The following PTPRD variants were observed in gnomAD, a reference collection of about 807,000 sequenced individuals.
The protein encoded by PTPRD is protein tyrosine phosphatase receptor type D, also known as receptor-type tyrosine-protein phosphatase delta.
PTPRD carries 34 observed loss-of-function variants against 214.5 expected under a neutral mutation model. The observed-to-expected ratio is 0.16, with a 90% CI of 0.12 to 0.21. The LOEUF (loss-of-function observed/expected upper bound fraction) is 0.21, where lower values mean the gene tolerates loss of function less well. Among genes scored for constraint, PTPRD ranks in the 10% least tolerant of loss-of-function variants. The pLI is 1.00. For missense variants in PTPRD, 2,545 were observed against 2,398.7 expected (o/e 1.06, Z -1.27); for synonymous variants, 1,128 against 845.7 (o/e 1.33, Z -5.79).
Position 8,341,777 on chromosome 9 carries a change from T to C in PTPRD, c.4863A>G (p.Pro1621=). The part of the protein sequence containing the change: ...EAVTCGNTEV[P]ARNLYAYIQK... ...GAATGTAGGCATACAAGTTTCTAGC[T>C]GGCACTTCGGTATTTCCACAAGTCA... is the stretch of plus-strand genomic sequence containing the variant. Residue 1621 remains proline, a synonymous_variant, in exon 40 of 46, where the codon CCA becomes CCG. Coordinates refer to ENST00000381196, the MANE Select transcript of PTPRD (RefSeq NM_002839.4). The C allele has an allele frequency of 2.5e-6, 4 of 1,613,654 alleles. No homozygotes were observed. Among genetic ancestry groups the C allele is most frequent in the Non-Finnish European group, 3.4e-6 (4 of 1,179,734 alleles).
chr9:9,602,414 TGTGTTAAGTACGTG>T (rs1368009518), intron 7 of PTPRD, among the ~76,000 whole-genome samples: 1 of 151,950 alleles, frequency 6.6e-6, no homozygotes, highest in Non-Finnish European at 1.5e-5. Context: ...TTTTCTACAA[TGTGTTAAGTACGTG>T]GTGAAACAAT....
intron 43 of PTPRD, among the ~76,000 whole-genome samples, chr9:8,332,346 G>A (rs1842307031): frequency 6.6e-6 from 1 of 152,080 alleles, no homozygotes; most frequent in African/African-American, 2.4e-5. Flanking sequence ...ATGTCTCAGA[G>A]GAATACCATT....
chr9:9,703,422 A>C (rs1174362526), intron 7 of PTPRD, among the ~76,000 whole-genome samples: 1 of 152,190 alleles, frequency 6.6e-6, no homozygotes, highest in East Asian at 1.9e-4. Flanking sequence ...TTAAACCTCC[A>C]GTAATCAAAG....
chr9:9,809,530 C>G (rs1245156741), intron 5 of PTPRD, among the ~76,000 whole-genome samples: 1 of 152,134 alleles, frequency 6.6e-6, no homozygotes, highest in Admixed American at 6.5e-5. Context: ...TCCCAAAGTG[C>G]TGGGATTACA....
chr9:10,084,834 A>G (rs1186074771), intron 3 of PTPRD, among the ~76,000 whole-genome samples: 1 of 151,876 alleles, frequency 6.6e-6, no homozygotes, highest in Non-Finnish European at 1.5e-5. Context: ...CCTGGTTCCT[A>G]TTTAGTTCAA....
At chr9:10,091,264 T>C (rs574161840) in intron 3 of PTPRD, among the ~76,000 whole-genome samples, 1 of 151,662 alleles carries the variant, frequency 6.6e-6, no homozygotes, top group South Asian at 2.1e-4. Flanking sequence ...ATCATTTATG[T>C]CTCTCTGGCA....
chr9:8,989,257 C>T (rs573838813), intron 11 of PTPRD, among the ~76,000 whole-genome samples: 11 of 151,968 alleles, frequency 7.2e-5, no homozygotes, highest in Non-Finnish European at 1.5e-4. Flanking sequence ...AAATATACAA[C>T]ACACTACTTT....
chr9:10,497,697 A>C (rs1412438345), intron 2 of PTPRD, among the ~76,000 whole-genome samples: 3 of 152,034 alleles, frequency 2.0e-5, no homozygotes, highest in Non-Finnish European at 4.4e-5. Context: ...GAGAATATAA[A>C]ATTATGTTTA....
intron 8 of PTPRD, among the ~76,000 whole-genome samples, chr9:9,402,058 G>A (rs1178083560): frequency 1.3e-5 from 2 of 151,936 alleles, no homozygotes; most frequent in Non-Finnish European, 2.9e-5. Context: ...TTATTACAGG[G>A]CAAACATAAA....
rs367837710 is a variant in PTPRD at position 9,945,788 on chromosome 9, T to C, written c.-471-7178A>G. ...GCTGAAAAGCAAACCTTAATACAGT[T>C]CCAAAAATTGAAATCCAATAGACCA... On this transcript the variant is annotated intron_variant, in intron 4 of 45. Coordinates refer to ENST00000381196, the MANE Select transcript of PTPRD (RefSeq NM_002839.4). 1.5e-3 allele frequency among the ~76,000 whole-genome samples: 235 copies of C among 152,124 alleles called. 9 individuals are homozygous for C. The South Asian group carries it at 0.047, about 31-fold the overall frequency.
intron 4 of PTPRD, among the ~76,000 whole-genome samples, chr9:9,981,681 T>A (rs1267112093): frequency 6.6e-6 from 1 of 152,046 alleles, no homozygotes; most frequent in African/African-American, 2.4e-5. Context: ...ATTCTTAATA[T>A]GAGTGCAAGC....
intron 4 of PTPRD, among the ~76,000 whole-genome samples, chr9:10,017,739 T>C (rs7867622): frequency 0.82 from 125,432 of 152,084 alleles, 52,297 homozygotes; most frequent in African/African-American, 0.93. Flanking sequence ...TATTTCTGTA[T>C]TACTAAACCA....
intron 10 of PTPRD, among the ~76,000 whole-genome samples, chr9:9,161,744 T>C (rs1378648480): frequency 6.6e-6 from 1 of 152,082 alleles, no homozygotes; most frequent in Admixed American, 6.6e-5. Context: ...TTAAAATATG[T>C]TTTAGATAAA....
chr9:9,302,850 G>A (rs184246199), intron 9 of PTPRD, among the ~76,000 whole-genome samples: 12 of 151,464 alleles, frequency 7.9e-5, no homozygotes, highest in East Asian at 3.9e-4. Flanking sequence ...AAAACCACCC[G>A]TAGTTTCTCA....
chr9:8,873,864 T>C (rs926016465), intron 11 of PTPRD, among the ~76,000 whole-genome samples: 1 of 152,100 alleles, frequency 6.6e-6, no homozygotes, highest in South Asian at 2.1e-4. Flanking sequence ...GTAGACTCCA[T>C]ACTAACTGAC....
At chr9:9,697,479 T>G (rs139809666) in intron 7 of PTPRD, among the ~76,000 whole-genome samples, 1,659 of 152,210 alleles carry the variant, frequency 0.011, 32 homozygotes, top group African/African-American at 0.038. Context: ...TTTCATTTTT[T>G]TAAATTTCAA....
At chr9:8,771,882 C>T (rs897257507) in intron 11 of PTPRD, among the ~76,000 whole-genome samples, 15 of 150,752 alleles carry the variant, frequency 1.0e-4, no homozygotes, top group Non-Finnish European at 1.0e-4. Context: ...AAAAGCCCAA[C>T]GCAGTGTACC....
At chr9:10,024,626 T>C (rs1296839225) in intron 4 of PTPRD, among the ~76,000 whole-genome samples, 1 of 151,904 alleles carries the variant, frequency 6.6e-6, no homozygotes, top group Non-Finnish European at 1.5e-5. Flanking sequence ...TGATTCTTTT[T>C]TTTAAATTTT....
chr9:9,964,463 A>C (rs2094555750), intron 4 of PTPRD, among the ~76,000 whole-genome samples: 1 of 152,292 alleles, frequency 6.6e-6, no homozygotes, highest in East Asian at 1.9e-4. Flanking sequence ...GTAAAATCTA[A>C]AGAAGCTTAG....
Sources: gnomAD v4.1 joint callset for allele counts (sites outside exome capture counted in the v4.1 genomes callset) on GRCh38, gnomAD v4.1.1 for gene constraint, MANE v1.5 for transcripts, NCBI Gene and HGNC (gene_info 2026-07-23, HGNC 2026-07-21) for gene names.